The following PPP1R13B variants were observed in gnomAD, a reference collection of about 807,000 sequenced individuals.
PPP1R13B encodes the protein apoptosis-stimulating of p53 protein 1.
In PPP1R13B, 44 loss-of-function variants were observed where a neutral mutation model predicts 119.8. The observed-to-expected ratio is 0.37, with a 90% CI of 0.29 to 0.47. The LOEUF is 0.47. Among genes scored for constraint, PPP1R13B ranks in the 20% least tolerant of loss-of-function variants. PPP1R13B has a pLI of 0.99. For synonymous variants in PPP1R13B, 542 were observed against 561.5 expected (o/e 0.97, Z 0.49); for missense variants, 1,227 against 1,413.5 (o/e 0.87, Z 2.12).
At chr14:103,801,252 G>T (rs1352559896) in intron 1 of PPP1R13B, among the ~76,000 whole-genome samples, 1 of 152,070 alleles carries the variant, frequency 6.6e-6, no homozygotes. Flanking sequence ...CACCTTCGCT[G>T]GTATATAAGC....
chr14:103,783,881 G>A (rs956627996), intron 3 of PPP1R13B, among the ~76,000 whole-genome samples: 2 of 152,084 alleles, frequency 1.3e-5, no homozygotes, highest in Non-Finnish European at 1.5e-5. Context: ...TATCAGTCTT[G>A]TCTTTTATGT....
rs2086991113 is a variant in PPP1R13B at position 103,844,771 on chromosome 14, T to C, written c.9+2528A>G. ...AAGTTACCACGACATTATATACTAA[T>C]TGCCAATTTTCAAATAAAATAAAAT... On this transcript the variant is annotated intron_variant, in intron 1 of 16. Transcript: ENST00000202556. Among the ~76,000 whole-genome samples, 3 of 152,066 alleles carry C rather than the reference T, an allele frequency of 2.0e-5. No homozygotes were observed. The South Asian group carries it at 6.2e-4, about 32-fold the overall frequency.
upstream of PPP1R13B, among the ~76,000 whole-genome samples, chr14:103,848,117 C>T (rs1354005616): frequency 2.6e-5 from 4 of 152,090 alleles, no homozygotes; most frequent in South Asian, 4.1e-4. Context: ...GAACCAGCCC[C>T]GGCCCGACGC....
intron 1 of PPP1R13B, among the ~76,000 whole-genome samples, chr14:103,821,490 G>A (rs539507604): frequency 2.6e-4 from 39 of 152,288 alleles, no homozygotes; most frequent in Middle Eastern, 3.4e-3. Context: ...AGTGGCTCAC[G>A]CCTATAATCC....
intron 1 of PPP1R13B, among the ~76,000 whole-genome samples, chr14:103,837,653 CTCT>C (rs1331150917): frequency 6.6e-6 from 1 of 152,120 alleles, no homozygotes; most frequent in Non-Finnish European, 1.5e-5. Flanking sequence ...CTGGATCTTT[CTCT>C]TCTTCAGGTC....
chr14:103,742,202 A>C lies in PPP1R13B; in HGVS notation c.1410T>G (p.Pro470=). ...GGGAGCTTGTCGACCCAGGACCCAG[A>C]GGTGTAGGACTTGGGTATGTCCCAT... The part of the protein sequence containing the change: ...PSYGTYPSPT[P]LGPGSTSSLE... Residue 470 remains proline (P), a synonymous_variant, in exon 11 of 17, where the codon CCT becomes CCG. Coordinates refer to ENST00000202556, the MANE Select transcript of PPP1R13B (RefSeq NM_015316.3). The surrounding 1 kb of genome is among the most constrained non-coding windows in gnomAD (Gnocchi z 4.9). 1 of 1,603,362 alleles carries C rather than the reference A, an allele frequency of 6.2e-7. No homozygotes were observed. Among genetic ancestry groups the C allele is most frequent in the Non-Finnish European group, 8.5e-7 (1 of 1,179,904 alleles).
chr14:103,745,153 G>A (rs551619313), intron 9 of PPP1R13B, among the ~76,000 whole-genome samples: 4 of 152,332 alleles, frequency 2.6e-5, no homozygotes, highest in South Asian at 2.1e-4. Context: ...GCTGAGACAC[G>A]GCCGTAAGGG....
chr14:103,764,672 A>C, intron 4 of PPP1R13B, among the ~76,000 whole-genome samples: 1 of 151,790 alleles, frequency 6.6e-6, no homozygotes, highest in East Asian at 1.9e-4. Context: ...ATTTCTTTTG[A>C]GCTTTTAATT....
intron 4 of PPP1R13B, among the ~76,000 whole-genome samples, chr14:103,771,749 G>C (rs1002440471): frequency 6.6e-6 from 1 of 152,086 alleles, no homozygotes; most frequent in African/African-American, 2.4e-5. Flanking sequence ...CCAAAGTACT[G>C]GGATTACAGG....
intron 1 of PPP1R13B, among the ~76,000 whole-genome samples, chr14:103,814,861 T>C (rs1323481135): frequency 6.6e-6 from 1 of 151,064 alleles, no homozygotes; most frequent in Non-Finnish European, 1.5e-5. Flanking sequence ...AGGAGACAGG[T>C]GTGAACCCGG....
intron 1 of PPP1R13B, among the ~76,000 whole-genome samples, chr14:103,800,124 A>G (rs1171119516): frequency 6.6e-6 from 1 of 152,186 alleles, no homozygotes; most frequent in African/African-American, 2.4e-5. Flanking sequence ...CTTTAATCAG[A>G]AGGTATTATA....
intron 1 of PPP1R13B, among the ~76,000 whole-genome samples, chr14:103,823,905 A>G (rs1251883718): frequency 6.6e-6 from 1 of 152,076 alleles, no homozygotes; most frequent in Admixed American, 6.6e-5. Flanking sequence ...CAGCAGGTAC[A>G]TACATATCCT....
At chr14:103,758,299 C>G (rs545145729) in intron 4 of PPP1R13B, among the ~76,000 whole-genome samples, 2 of 152,310 alleles carry the variant, frequency 1.3e-5, no homozygotes, top group East Asian at 3.9e-4. Context: ...TAGATGAATG[C>G]AGTTGGCTGT....
chr14:103,754,318 A>G, intron 5 of PPP1R13B, 74 bp from the exon 6 acceptor site: 1 of 1,435,844 alleles, frequency 7.0e-7, no homozygotes, highest in Non-Finnish European at 9.4e-7. Flanking sequence ...TAATTCCAGC[A>G]CTTTGAGAGG....
chr14:103,777,632 T>A (rs1009359874), intron 4 of PPP1R13B, among the ~76,000 whole-genome samples: 14 of 152,114 alleles, frequency 9.2e-5, no homozygotes, highest in African/African-American at 3.4e-4. Context: ...GGAGACATGA[T>A]CTGATTCATG....
intron 1 of PPP1R13B, among the ~76,000 whole-genome samples, chr14:103,824,520 C>A (rs2086490737): frequency 6.6e-6 from 1 of 151,082 alleles, no homozygotes; most frequent in South Asian, 2.1e-4. Context: ...ATGGTGAAAT[C>A]CCATCTCTAC....
In PPP1R13B at chr14:103,734,272, C is replaced by T; in HGVS notation, c.*882G>A. On this transcript the variant is annotated 3_prime_UTR_variant, in exon 17 of 17. Coordinates refer to ENST00000202556, the MANE Select transcript of PPP1R13B (RefSeq NM_015316.3). ...CAGGCGTCTGCCATCCTTCAGGCACCAAACAGCCCCGTCTACCTGGCCCTG... is the reference window on the plus strand; with the variant it reads ...CAGGCGTCTGCCATCCTTCAGGCACTAAACAGCCCCGTCTACCTGGCCCTG... The T allele has an allele frequency of 1.3e-5, 4 of 309,980 alleles. No individual in the cohort carries two copies. The highest frequency in any genetic ancestry group is 1.1e-4 in the South Asian group (4 of 35,464). The allele number at this position is 309,980 out of a possible 1,614,324, so 19.2% of individuals were successfully genotyped here.
At chr14:103,846,798 G>A (rs934314249) in intron 1 of PPP1R13B, 1 of 458,108 alleles carries the variant, frequency 2.2e-6, no homozygotes, top group Non-Finnish European at 4.4e-6. Flanking sequence ...ACGGGAAAAG[G>A]GAATTCCTAA....
chr14:103,847,127 C>T, intron 1 of PPP1R13B, 172 bp downstream of exon 1: 1 of 983,452 alleles, frequency 1.0e-6, no homozygotes, highest in Admixed American at 6.2e-5. Context: ...CGGCGCCGCC[C>T]CCACCTGCCC....
Sources: allele counts gnomAD v4.1 joint callset (sites outside exome capture counted in the v4.1 genomes callset), GRCh38; gene constraint gnomAD v4.1.1; non-coding constraint Gnocchi (gnomAD v3.1); transcripts MANE v1.5; gene names NCBI Gene and HGNC (gene_info 2026-07-23, HGNC 2026-07-21).